PIK3CB: variants seen among roughly 807,000 people sequenced by gnomAD.
The protein encoded by PIK3CB is phosphatidylinositol-4,5-bisphosphate 3-kinase catalytic subunit beta.
Under a neutral mutation model 136.8 loss-of-function variants are expected in PIK3CB, and 39 were observed. That is an observed-to-expected ratio of 0.29 (90% CI 0.22 to 0.37). The LOEUF is 0.37. Ranked by LOEUF, PIK3CB falls within the 10% of genes least tolerant of loss-of-function variation. The pLI, the probability that PIK3CB is intolerant of heterozygous loss-of-function variation, is 1.00. For missense variants in PIK3CB, 868 were observed against 1,275.4 expected, an observed-to-expected ratio of 0.68 and a Z score of 4.87; for synonymous variants, 428 against 436.6, an observed-to-expected ratio of 0.98 and a Z score of 0.25.
chr3:138,755,077 A>G (rs2045540738), intron 4 of PIK3CB, among the ~76,000 whole-genome samples: 1 of 152,222 alleles, frequency 6.6e-6, no homozygotes. Flanking sequence ...TGTGGACATG[A>G]TATTTCCTGA....
At chr3:138,710,958 C>A (rs1372177535) in intron 10 of PIK3CB, among the ~76,000 whole-genome samples, 2 of 151,838 alleles carry the variant, frequency 1.3e-5, no homozygotes, top group Non-Finnish European at 2.9e-5. Flanking sequence ...GTGGTGGACA[C>A]CTGTAGTCCC....
rs562794243 is a variant in PIK3CB, at chr3:138,670,992, C to T, written c.2505-5789G>A. 2.6e-5 allele frequency among the ~76,000 whole-genome samples: 4 copies of T among 151,824 alleles called. No homozygotes were observed. In the East Asian group the frequency reaches 7.7e-4, roughly 29 times the overall value. On this transcript the variant is annotated intron_variant, in intron 19 of 23. Transcript: ENST00000674063. ...AAGGAAATTTAGGTATTTTAGGCAC[C>T]ATTATACTCTGATAAACAAAGAGTA...
At chr3:138,687,403 A>T (rs1219646536) in intron 16 of PIK3CB, among the ~76,000 whole-genome samples, 2 of 152,216 alleles carry the variant, frequency 1.3e-5, no homozygotes, top group East Asian at 1.9e-4. Flanking sequence ...AGAAAATTTG[A>T]ATTTTACTCA....
At chr3:138,775,479 T>C (rs1031416584) in intron 2 of PIK3CB, among the ~76,000 whole-genome samples, 3 of 152,174 alleles carry the variant, frequency 2.0e-5, no homozygotes, top group African/African-American at 4.8e-5. Context: ...CAGTGTTTTT[T>C]ACCTCGACCT....
chr3:138,737,108 G>C (rs2045123986), intron 6 of PIK3CB, among the ~76,000 whole-genome samples: 1 of 151,992 alleles, frequency 6.6e-6, no homozygotes, highest in East Asian at 1.9e-4. Flanking sequence ...AGCCGAATGA[G>C]CCGGGCACAG....
At chr3:138,794,362 A>G (rs1386291795) in intron 2 of PIK3CB, among the ~76,000 whole-genome samples, 2 of 152,234 alleles carry the variant, frequency 1.3e-5, no homozygotes, top group African/African-American at 2.4e-5. Flanking sequence ...TGGAAGCACA[A>G]AAGTCAGTTA....
At chr3:138,750,290 T>C (rs1312531423) in intron 4 of PIK3CB, among the ~76,000 whole-genome samples, 1 of 152,022 alleles carries the variant, frequency 6.6e-6, no homozygotes, top group Non-Finnish European at 1.5e-5. Context: ...ATTTAAAAAT[T>C]CTCTCATAAA....
At chr3:138,734,580 C>T in intron 7 of PIK3CB, 54 bp downstream of exon 7, 1 of 1,341,466 alleles carries the variant, frequency 7.5e-7, no homozygotes. Flanking sequence ...CTTATGTAAA[C>T]TAACACAATC....
chr3:138,760,733 C>T lies in PIK3CB; in HGVS notation c.-16-1374G>A, dbSNP rs78202078. 3.8e-3 allele frequency among the ~76,000 whole-genome samples: 575 copies of T among 152,164 alleles called. 5 individuals are homozygous for T. Among genetic ancestry groups the T allele is most frequent in the African/African-American group, 0.013 (552 of 41,522 alleles). On this transcript the variant is annotated intron_variant, in intron 2 of 23. Transcript: ENST00000674063. ...ACCAGCCTGGGCAACAAACAAGACC[C>T]TGTCTCTACAAAACATACAAAAAAT... is the stretch of plus-strand genomic sequence containing the variant.
intron 2 of PIK3CB, among the ~76,000 whole-genome samples, chr3:138,785,643 C>T (rs1014955771): frequency 2.6e-5 from 4 of 152,048 alleles, no homozygotes; most frequent in African/African-American, 9.7e-5. Flanking sequence ...GTCATCACCA[C>T]TCCCTAATCT....
chr3:138,726,128 C>G (rs2044830904), intron 8 of PIK3CB, among the ~76,000 whole-genome samples: 1 of 152,180 alleles, frequency 6.6e-6, no homozygotes, highest in Non-Finnish European at 1.5e-5. Flanking sequence ...TACACATTAA[C>G]CAGTTTGAGA....
chr3:138,730,831 C>T (rs969913348), intron 8 of PIK3CB, among the ~76,000 whole-genome samples: 2 of 152,012 alleles, frequency 1.3e-5, no homozygotes, highest in African/African-American at 4.8e-5. Context: ...ACTTGGGAGG[C>T]TGAGGTAGGA....
At chr3:138,821,699 C>T (rs572194164) in intron 1 of PIK3CB, among the ~76,000 whole-genome samples, 70 of 152,078 alleles carry the variant, frequency 4.6e-4, no homozygotes, top group African/African-American at 1.5e-3. Flanking sequence ...ACAGAAGAAT[C>T]GCTTGAACCT....
At chr3:138,656,981 T>G (rs2043202370) in intron 22 of PIK3CB, among the ~76,000 whole-genome samples, 1 of 152,182 alleles carries the variant, frequency 6.6e-6, no homozygotes, top group East Asian at 1.9e-4. Context: ...TTGGTCAGGC[T>G]GGTCTCAAAC....
intron 19 of PIK3CB, among the ~76,000 whole-genome samples, chr3:138,679,389 G>A (rs987265752): frequency 1.3e-5 from 2 of 151,938 alleles, no homozygotes; most frequent in Admixed American, 6.6e-5. Flanking sequence ...TTGAACTCCC[G>A]GGTTCAAGCG....
intron 8 of PIK3CB, among the ~76,000 whole-genome samples, chr3:138,718,862 A>G (rs2044666589): frequency 6.6e-6 from 1 of 152,134 alleles, no homozygotes; most frequent in Admixed American, 6.5e-5. Flanking sequence ...GTAGGTGTGC[A>G]GCCTTATTTC....
At chr3:138,796,356 G>C (rs983544860) in intron 2 of PIK3CB, 107 bp downstream of exon 2, 1 of 128,692 alleles carries the variant, frequency 7.8e-6, no homozygotes, top group African/African-American at 3.1e-5. Flanking sequence ...CTGCACTCCA[G>C]CCTGGGCAAC....
rs557638915 is a variant in PIK3CB, at chr3:138,686,783, T to C, written c.2137-1980A>G. Among the ~76,000 whole-genome samples the C allele has an allele frequency of 2.0e-5, 3 of 152,278 alleles. No individual in the cohort carries two copies. In the South Asian group the frequency reaches 6.2e-4, roughly 32 times the overall value. ...CACTAAGACTATGTAGGGAGATGAA[T>C]TCAAGCATGCAGTTTCCACAGAGGC... is the stretch of plus-strand genomic sequence containing the variant. On this transcript the variant is annotated intron_variant, in intron 16 of 23. Coordinates refer to ENST00000674063, the MANE Select transcript of PIK3CB (RefSeq NM_006219.3).
At position 138,653,346 on chromosome 3, in the gene PIK3CB, C is replaced by T. The variant is rs981915314; in HGVS notation, c.*2043G>A. 1.1e-5 allele frequency: 2 copies of T among 175,010 alleles called. No homozygotes were observed. The highest frequency in any genetic ancestry group is 4.7e-5 in the African/African-American group (2 of 42,152). 10.8% of individuals were successfully genotyped at this position (175,010 alleles called of 1,614,324 possible). A position where few individuals can be genotyped will look rare whatever the true frequency, so the allele number is the denominator to read the frequency against. On this transcript the variant is annotated 3_prime_UTR_variant, in exon 24 of 24. Transcript: ENST00000674063. ...ATCAACTACTCTGTGACTATGGTCA[C>T]GTTACTTAACCCTTCAAAGAAAACA...
Sources: gnomAD v4.1 joint callset for allele counts (sites outside exome capture counted in the v4.1 genomes callset) on GRCh38, gnomAD v4.1.1 for gene constraint, MANE v1.5 for transcripts, NCBI Gene and HGNC (gene_info 2026-07-23, HGNC 2026-07-21) for gene names.